Variants in LRRC69 observed in about 807,000 individuals in gnomAD.
The protein encoded by LRRC69 is leucine-rich repeat-containing protein 69.
In LRRC69, 42 loss-of-function variants were observed where a neutral mutation model predicts 37.8. That is an observed-to-expected ratio of 1.11 (90% CI 0.87 to 1.44). LRRC69 has a LOEUF of 1.44. Ranked by LOEUF, LRRC69 falls within the 40% of genes most tolerant of loss-of-function variation. LRRC69 has a pLI of 0.00. For missense variants in LRRC69, 357 were observed against 401.9 expected, an observed-to-expected ratio of 0.89 and a Z score of 0.96; for synonymous variants, 141 against 143.1, an observed-to-expected ratio of 0.99 and a Z score of 0.11.
chr8:91,158,381 A>G, intron 5 of LRRC69: 1 of 1,416,854 alleles, frequency 7.1e-7, no homozygotes, highest in South Asian at 1.2e-5. Context: ...CAACATCAAA[A>G]CAAACTCTGA....
chr8:91,127,818 A>C (rs1031996444), intron 3 of LRRC69, among the ~76,000 whole-genome samples: 17 of 151,922 alleles, frequency 1.1e-4, no homozygotes, highest in African/African-American at 4.1e-4. Flanking sequence ...GATGTGTCAC[A>C]GAGCAAGAGC....
intron 6 of LRRC69, among the ~76,000 whole-genome samples, chr8:91,198,486 G>T (rs2130625816): frequency 6.6e-6 from 1 of 152,112 alleles, no homozygotes; most frequent in East Asian, 1.9e-4. Flanking sequence ...GTTCCAAAAT[G>T]TATCACTCCT....
intron 5 of LRRC69, among the ~76,000 whole-genome samples, chr8:91,164,991 C>T (rs73303653): frequency 0.033 from 4,950 of 151,730 alleles, 255 homozygotes; most frequent in African/African-American, 0.11. Flanking sequence ...ACATACCTCC[C>T]TAACTCCTAT....
At chr8:91,157,972 TGAA>T (rs1167802927) in intron 5 of LRRC69, 3 of 1,391,602 alleles carry the variant, frequency 2.2e-6, no homozygotes, top group Non-Finnish European at 3.1e-6. Flanking sequence ...AGAGAAAAGC[TGAA>T]GAAGAACATC....
chr8:91,102,815 G>A (rs1813244140), exon 1 of LRRC69: 2 of 1,551,138 alleles, frequency 1.3e-6, no homozygotes, highest in Non-Finnish European at 1.7e-6. Flanking sequence ...AATCCCCAAA[G>A]TGTGTCCAGA....
chr8:91,200,405 A>G (rs534737670), intron 6 of LRRC69, among the ~76,000 whole-genome samples: 22 of 152,334 alleles, frequency 1.4e-4, no homozygotes, highest in African/African-American at 5.0e-4. Flanking sequence ...CGACAATGTA[A>G]GAAACTTATT....
At chr8:91,160,506 A>G (rs1248468618) in intron 5 of LRRC69, among the ~76,000 whole-genome samples, 1 of 150,876 alleles carries the variant, frequency 6.6e-6, no homozygotes, top group Non-Finnish European at 1.5e-5. Flanking sequence ...ACCTGGTGGG[A>G]GGTGATTGGA....
chr8:91,123,460 G>A (rs557262479), intron 1 of LRRC69, among the ~76,000 whole-genome samples: 12 of 152,086 alleles, frequency 7.9e-5, no homozygotes, highest in Admixed American at 6.6e-4. Flanking sequence ...TTCTTAGGAT[G>A]AGAAATTTCA....
chr8:91,160,650 A>G (rs1808923125), intron 5 of LRRC69, among the ~76,000 whole-genome samples: 1 of 150,968 alleles, frequency 6.6e-6, no homozygotes, highest in South Asian at 2.1e-4. Context: ...CTTCCCCTTT[A>G]TCTTCTTCCA....
chr8:91,173,659 C>T (rs553956733), intron 5 of LRRC69, among the ~76,000 whole-genome samples: 2 of 152,002 alleles, frequency 1.3e-5, no homozygotes, highest in Non-Finnish European at 2.9e-5. Flanking sequence ...TTATAAACAA[C>T]AGGAATTGTT....
At chr8:91,166,508 A>AC (rs1809032511) in intron 5 of LRRC69, among the ~76,000 whole-genome samples, 4 of 151,106 alleles carry the variant, frequency 2.6e-5, no homozygotes. Context: ...AAAAAAAAAA[A>AC]AAAAAAAACC....
At chr8:91,134,783 T>G (rs1169253029) in intron 4 of LRRC69, among the ~76,000 whole-genome samples, 2 of 152,098 alleles carry the variant, frequency 1.3e-5, no homozygotes, top group African/African-American at 4.8e-5. Flanking sequence ...AACTTCACTT[T>G]TTCCAGGAAG....
chr8:91,107,514 A>G (rs537221005), intron 1 of LRRC69, among the ~76,000 whole-genome samples: 35 of 152,094 alleles, frequency 2.3e-4, no homozygotes, highest in Middle Eastern at 3.4e-3. Flanking sequence ...GATGTGTACA[A>G]AGTGTGGTCC....
intron 7 of LRRC69, among the ~76,000 whole-genome samples, chr8:91,217,610 A>G (rs143288643): frequency 5.6e-4 from 86 of 152,216 alleles, no homozygotes; most frequent in African/African-American, 1.9e-3. Flanking sequence ...TTACATGGTC[A>G]TATATTGAGC....
intron 7 of LRRC69, among the ~76,000 whole-genome samples, chr8:91,210,037 A>G (rs1249317708): frequency 6.6e-6 from 1 of 152,214 alleles, no homozygotes; most frequent in African/African-American, 2.4e-5. Context: ...GCATTGTCAT[A>G]AAGCATTATA....
chr8:91,114,409 T>C (rs1813470641), intron 1 of LRRC69, among the ~76,000 whole-genome samples: 1 of 151,700 alleles, frequency 6.6e-6, no homozygotes, highest in Non-Finnish European at 1.5e-5. Context: ...AAAATGTCCA[T>C]CAATGGACAA....
chr8:91,190,118 T>C (rs947961206), intron 6 of LRRC69, among the ~76,000 whole-genome samples: 1 of 152,312 alleles, frequency 6.6e-6, no homozygotes, highest in African/African-American at 2.4e-5. Flanking sequence ...CTCCCACATT[T>C]GGCTATGATT....
At position 91,167,263 on chromosome 8, in the gene LRRC69, C is replaced by T. The variant is rs141041754; in HGVS notation, c.652-22259C>T. 5.3e-3 allele frequency among the ~76,000 whole-genome samples: 805 copies of T among 151,728 alleles called. 6 individuals carry two copies. Among genetic ancestry groups the T allele is most frequent in the African/African-American group, 0.018 (744 of 41,438 alleles). Reference sequence around the variant, plus strand: ...GGTTGGGGAGGCCTCACAATCATGGCGGAAGGAAGTAGGAACAAGTCATAT... The same window carrying T: ...GGTTGGGGAGGCCTCACAATCATGGTGGAAGGAAGTAGGAACAAGTCATAT... On this transcript the variant is annotated intron_variant, in intron 5 of 7. Transcript: ENST00000448384.
intron 3 of LRRC69, among the ~76,000 whole-genome samples, chr8:91,128,073 T>A (rs1813750684): frequency 6.6e-6 from 1 of 152,078 alleles, no homozygotes; most frequent in Non-Finnish European, 1.5e-5. Context: ...CTAATAGTTG[T>A]CTGCTTGCTT....
Sources: gnomAD v4.1 joint callset for allele counts (sites outside exome capture counted in the v4.1 genomes callset) on GRCh38, gnomAD v4.1.1 for gene constraint, MANE v1.5 for transcripts, NCBI Gene and HGNC (gene_info 2026-07-23, HGNC 2026-07-21) for gene names.